Variants in FGGY observed in about 807,000 individuals in gnomAD.
FGGY encodes the protein FGGY carbohydrate kinase domain-containing protein.
Under a neutral mutation model 71.3 loss-of-function variants are expected in FGGY, and 72 were observed. The ratio of observed to expected loss-of-function variants is 1.01; its 90% CI spans 0.84 to 1.23. FGGY has a LOEUF of 1.23. FGGY is among the 50% of genes most tolerant of loss of function. The probability of loss-of-function intolerance (pLI) is 0.00; values close to 1 mark genes in which losing one functional copy is unlikely to be tolerated. For synonymous variants in FGGY, 251 were observed against 250.3 expected (o/e 1.00, Z -0.02); for missense variants, 668 against 682.3 (o/e 0.98, Z 0.23).
chr1:59,616,536 A>G (rs1251371311), intron 9 of FGGY, among the ~76,000 whole-genome samples: 1 of 152,140 alleles, frequency 6.6e-6, no homozygotes, highest in African/African-American at 2.4e-5. Context: ...ATATTAAATG[A>G]CGAGTTAATG....
intron 4 of FGGY, among the ~76,000 whole-genome samples, chr1:59,360,580 A>C (rs1225386331): frequency 6.6e-6 from 1 of 152,180 alleles, no homozygotes; most frequent in Non-Finnish European, 1.5e-5. Flanking sequence ...TTTTCTGTCT[A>C]AAAAATTGTG....
intron 11 of FGGY, among the ~76,000 whole-genome samples, chr1:59,643,368 A>AT (rs201865423): frequency 6.6e-6 from 1 of 151,972 alleles, no homozygotes; most frequent in African/African-American, 2.4e-5. Context: ...TTTTTAAAAT[A>AT]TTTTTTTGTA....
At chr1:59,716,713 AAG>A (rs2097848455) in intron 14 of FGGY, among the ~76,000 whole-genome samples, 2 of 152,222 alleles carry the variant, frequency 1.3e-5, no homozygotes, top group South Asian at 4.1e-4. Flanking sequence ...AGCTGGGAAC[AAG>A]AGAGCGGACA....
chr1:59,435,812 G>A (rs1422307771), intron 5 of FGGY, among the ~76,000 whole-genome samples: 1 of 151,324 alleles, frequency 6.6e-6, no homozygotes, highest in Admixed American at 6.6e-5. Context: ...CCACTTGACT[G>A]TAAGCTCCAG....
chr1:59,715,401 A>G (rs972084897), intron 14 of FGGY, among the ~76,000 whole-genome samples: 9 of 152,218 alleles, frequency 5.9e-5, no homozygotes, highest in African/African-American at 2.2e-4. Context: ...GCTTTCCAGC[A>G]ACATTCATTG....
At chr1:59,648,945 T>A (rs965873912) in intron 11 of FGGY, among the ~76,000 whole-genome samples, 8 of 151,674 alleles carry the variant, frequency 5.3e-5, no homozygotes, top group Non-Finnish European at 1.2e-4. Context: ...AAGGAAGGGA[T>A]CCAGTTTCAG....
At chr1:59,369,983 TG>T (rs2057310966) in intron 4 of FGGY, among the ~76,000 whole-genome samples, 3 of 152,120 alleles carry the variant, frequency 2.0e-5, no homozygotes, top group South Asian at 4.1e-4. Flanking sequence ...GCAGAAAAAC[TG>T]GAAACTCTAA....
chr1:59,321,713 C>T lies in FGGY; in HGVS notation c.164C>T (p.Ser55Phe). The change falls in exon 2 of 16, where the codon TCC becomes TTC. Residue 55 changes from serine to phenylalanine, a missense_variant. By Grantham distance (155) the Ser-to-Phe change is radical. This residue lies in a region of FGGY where 661 missense variants were observed against 661.6 expected (regional missense o/e 1.00). Coordinates refer to ENST00000303721, the MANE Select transcript of FGGY (RefSeq NM_018291.5). Reference sequence around the variant, plus strand: ...CAGTTCAACCACCATGAGCAGTCCTCCGAGGACATCTGGGCTGCGTGCTGT... The same window carrying T: ...CAGTTCAACCACCATGAGCAGTCCTTCGAGGACATCTGGGCTGCGTGCTGT... ...EPQFNHHEQS[S>F]EDIWAACCVV... The T allele has an allele frequency of 6.2e-7, 1 of 1,612,528 alleles. No individual in the cohort carries two copies.
intron 6 of FGGY, among the ~76,000 whole-genome samples, chr1:59,488,404 A>G (rs1462986818): frequency 6.6e-6 from 1 of 151,514 alleles, no homozygotes. Context: ...AACTTAGAAA[A>G]TACATAAAAG....
intron 8 of FGGY, among the ~76,000 whole-genome samples, chr1:59,590,854 A>T (rs1370580556): frequency 6.6e-6 from 1 of 152,174 alleles, no homozygotes; most frequent in African/African-American, 2.4e-5. Context: ...CAAAAACTGG[A>T]AGCATTCCCT....
intron 2 of FGGY, among the ~76,000 whole-genome samples, chr1:59,323,923 G>A (rs370356633): frequency 5.9e-5 from 9 of 152,214 alleles, no homozygotes; most frequent in African/African-American, 1.7e-4. Context: ...CGGGGGAGGC[G>A]CTTCTTGGGA....
chr1:59,691,697 A>T (rs1375360626), intron 14 of FGGY, among the ~76,000 whole-genome samples: 3 of 134,026 alleles, frequency 2.2e-5, no homozygotes, highest in Non-Finnish European at 4.7e-5. Context: ...TACTTTGGGG[A>T]CTTAACACTA....
At chr1:59,741,591 G>A (rs1233286830) in intron 14 of FGGY, among the ~76,000 whole-genome samples, 1 of 151,610 alleles carries the variant, frequency 6.6e-6, no homozygotes, top group Non-Finnish European at 1.5e-5. Flanking sequence ...ATTGCTTGAG[G>A]CCAGAAATTC....
intron 11 of FGGY, among the ~76,000 whole-genome samples, chr1:59,652,172 G>A (rs531740133): frequency 3.4e-4 from 52 of 151,888 alleles, no homozygotes; most frequent in African/African-American, 1.2e-3. Flanking sequence ...CTTTCTCTCT[G>A]GCTGCCCTTA....
rs761124135 is a variant in FGGY, at chr1:59,716,550, C to T, written c.1513-41381C>T. On this transcript the variant is annotated intron_variant, in intron 14 of 15. Transcript: ENST00000303721. Reference sequence around the variant, plus strand: ...GAACTTTTGGAACATTTGTTTTATGCGGCAAACTAGCATCAAAGAAAAAAG... The same window carrying T: ...GAACTTTTGGAACATTTGTTTTATGTGGCAAACTAGCATCAAAGAAAAAAG... Among the ~76,000 whole-genome samples, 118 of 151,990 alleles carry T rather than the reference C, an allele frequency of 7.8e-4. 2 individuals are homozygous for T. Among genetic ancestry groups the T allele is most frequent in the East Asian group, 1.9e-4 (1 of 5,186 alleles).
intron 12 of FGGY, among the ~76,000 whole-genome samples, chr1:59,661,461 T>C (rs569402623): frequency 6.6e-6 from 1 of 152,348 alleles, no homozygotes; most frequent in East Asian, 1.9e-4. Context: ...GAAGCAATTT[T>C]CTTATTGGTC....
At chr1:59,644,832 C>T (rs914442766) in intron 11 of FGGY, among the ~76,000 whole-genome samples, 1 of 152,084 alleles carries the variant, frequency 6.6e-6, no homozygotes, top group Non-Finnish European at 1.5e-5. Flanking sequence ...AAAAAATTGG[C>T]TGTGCGTGGT....
intron 6 of FGGY, among the ~76,000 whole-genome samples, chr1:59,474,372 C>T (rs1471522652): frequency 6.6e-6 from 1 of 152,204 alleles, no homozygotes; most frequent in Non-Finnish European, 1.5e-5. Flanking sequence ...TACTGTAATG[C>T]ACTCATTTTA....
At chr1:59,696,395 A>G (rs1245144429) in intron 14 of FGGY, among the ~76,000 whole-genome samples, 1 of 152,262 alleles carries the variant, frequency 6.6e-6, no homozygotes, top group Non-Finnish European at 1.5e-5. Context: ...TTTTATGACT[A>G]ATCAATACTA....
Sources: allele counts gnomAD v4.1 joint callset (sites outside exome capture counted in the v4.1 genomes callset), GRCh38; gene constraint gnomAD v4.1.1; regional missense constraint gnomAD v4.1.1; transcripts MANE v1.5; gene names NCBI Gene and HGNC (gene_info 2026-07-23, HGNC 2026-07-21).